The following LMO4 variants were observed in gnomAD, a reference collection of about 807,000 sequenced individuals.
The protein encoded by LMO4 is LIM domain transcription factor LMO4.
Under a neutral mutation model 18.5 loss-of-function variants are expected in LMO4, and 3 were observed. That is an observed-to-expected ratio of 0.16 (90% CI 0.07 to 0.42). LMO4 has a LOEUF of 0.42. LMO4 is among the 10% of genes least tolerant of loss of function. The probability of loss-of-function intolerance (pLI) is 0.99; values close to 1 mark genes in which losing one functional copy is unlikely to be tolerated. For synonymous variants in LMO4, 100 were observed against 88.1 expected (o/e 1.14, Z -0.76); for missense variants, 121 against 219.9 (o/e 0.55, Z 2.84).
At position 87,328,927 on chromosome 1, in the gene LMO4, G is replaced by A. The variant is rs191814901; in HGVS notation, c.-321G>A. 4.7e-3 allele frequency: 710 copies of A among 152,434 alleles called. 10 individuals carry two copies. The highest frequency in any genetic ancestry group is 3.3e-3 in the Non-Finnish European group (222 of 68,082). The allele number at this position is 152,434 out of a possible 1,614,324, so 9.4% of individuals were successfully genotyped here. A position where few individuals can be genotyped will look rare whatever the true frequency, so the allele number is the denominator to read the frequency against. On this transcript the variant is annotated 5_prime_UTR_variant, in exon 1 of 5. Transcript: ENST00000370544. Reference sequence around the variant, plus strand: ...CTGCCGCTGCGCCGCGCCTGAAGCCGCGCCGCGCGGGCCGAGGGCTCCTGC... The same window carrying A: ...CTGCCGCTGCGCCGCGCCTGAAGCCACGCCGCGCGGGCCGAGGGCTCCTGC...
intron 2 of LMO4, among the ~76,000 whole-genome samples, chr1:87,336,070 A>G (rs961001786): frequency 7.1e-5 from 9 of 127,462 alleles, no homozygotes; most frequent in East Asian, 2.5e-4. Flanking sequence ...TTAAGTATCA[A>G]TAGCTTCTGG....
chr1:87,343,483 A>G (rs1650550446), intron 4 of LMO4, among the ~76,000 whole-genome samples: 1 of 152,084 alleles, frequency 6.6e-6, no homozygotes, highest in Non-Finnish European at 1.5e-5. Context: ...CCTGTTCTGG[A>G]ATTTTTTTCT....
At chr1:87,329,853 C>G (rs1396945354) in intron 1 of LMO4, among the ~76,000 whole-genome samples, 1 of 152,108 alleles carries the variant, frequency 6.6e-6, no homozygotes, top group African/African-American at 2.4e-5. Context: ...CTCCCTTGGT[C>G]TCCATTAAAA....
intron 1 of LMO4, among the ~76,000 whole-genome samples, chr1:87,331,062 CG>C (rs1278888902): frequency 5.0e-5 from 1 of 19,990 alleles, no homozygotes; most frequent in African/African-American, 1.4e-4. Flanking sequence ...TAACGCCGCC[CG>C]CCCCCCCCCC....
chr1:87,336,027 AT>A (rs892521684), intron 2 of LMO4, among the ~76,000 whole-genome samples: 12 of 150,676 alleles, frequency 8.0e-5, no homozygotes, highest in South Asian at 2.1e-4. Flanking sequence ...AATTTGGCTG[AT>A]TTTTTTTTTC....
Position 87,345,099 on chromosome 1 carries a change from G to A in LMO4, c.*303G>A. 1 of 361,414 alleles carries A rather than the reference G, an allele frequency of 2.8e-6. No homozygotes were observed. The highest frequency in any genetic ancestry group is 5.0e-6 in the Non-Finnish European group (1 of 201,588). 22.4% of individuals were successfully genotyped at this position (361,414 alleles called of 1,614,324 possible). ...GCTGGGGGGGAGGGAAATGACTAAT[G>A]AAGCTAATTAAAAGAAGCATTCAAA... On this transcript the variant is annotated 3_prime_UTR_variant, in exon 5 of 5. Coordinates refer to ENST00000370544, the MANE Select transcript of LMO4 (RefSeq NM_006769.4).
rs1650705057 is a variant in LMO4, at chr1:87,348,683, C to T, written c.*3887C>T. On this transcript the variant is annotated 3_prime_UTR_variant, in exon 5 of 5. Transcript: ENST00000370544. ...TCAGGGCTGATTTTTGGAAGGTGAA[C>T]TTGCAACTTACCTCAAGTGAATACT... 2.0e-6 allele frequency: 1 copy of T among 498,562 alleles called. No homozygotes were observed. The highest frequency in any genetic ancestry group is 1.5e-5 in the South Asian group (1 of 68,462). The allele number at this position is 498,562 out of a possible 1,614,324, so 30.9% of individuals were successfully genotyped here.
chr1:87,330,004 CTTT>C (rs895271767), intron 1 of LMO4, among the ~76,000 whole-genome samples: 17 of 127,214 alleles, frequency 1.3e-4, no homozygotes, highest in African/African-American at 4.5e-4. Flanking sequence ...TAAAAGCTTT[CTTT>C]TTTTTTTTTT....
rs1650629448 is a variant in LMO4 at position 87,346,497 on chromosome 1, A to G, written c.*1701A>G. The G allele has an allele frequency of 6.6e-6, 1 of 152,210 alleles. No homozygotes were observed. Among genetic ancestry groups the G allele is most frequent in the African/African-American group, 2.4e-5 (1 of 41,442 alleles). The allele number at this position is 152,210 out of a possible 1,614,324, so 9.4% of individuals were successfully genotyped here. A position where few individuals can be genotyped will look rare whatever the true frequency, so the allele number is the denominator to read the frequency against. ...TTTAAATTTTCTTTTTTAAGATGGCATTTTATTTTGTTCCAGAAAAGCGCC... is the reference window on the plus strand; with the variant it reads ...TTTAAATTTTCTTTTTTAAGATGGCGTTTTATTTTGTTCCAGAAAAGCGCC... On this transcript the variant is annotated 3_prime_UTR_variant, in exon 5 of 5. Transcript: ENST00000370544.
intron 4 of LMO4, among the ~76,000 whole-genome samples, chr1:87,340,486 A>G (rs1400688865): frequency 6.6e-6 from 1 of 152,242 alleles, no homozygotes; most frequent in Non-Finnish European, 1.5e-5. Context: ...AAGCTTCCAT[A>G]TAACTGGTTA....
chr1:87,332,347 G>A (rs1388509883), intron 2 of LMO4, 96 bp downstream of exon 2: 1 of 898,842 alleles, frequency 1.1e-6, no homozygotes, highest in Non-Finnish European at 1.7e-6. Context: ...CGTCTACGGG[G>A]AGTATGCAGC....
intron 2 of LMO4, among the ~76,000 whole-genome samples, chr1:87,334,361 A>T (rs1378574088): frequency 6.6e-6 from 1 of 152,056 alleles, no homozygotes; most frequent in Non-Finnish European, 1.5e-5. Context: ...CTTCCCCTCC[A>T]ATTTAAGAGA....
intron 1 of LMO4, 159 bp from the exon 2 acceptor site, chr1:87,331,840 GCCTCCCTTCTTCCC>G: frequency 5.1e-6 from 3 of 584,940 alleles, no homozygotes; most frequent in Non-Finnish European, 3.0e-6. Context: ...CTGCCGGCGA[GCCTCCCTTCTTCCC>G]TCTCCCCCTC....
intron 3 of LMO4, 98 bp downstream of exon 3, chr1:87,339,730 C>A: frequency 2.5e-6 from 2 of 788,484 alleles, no homozygotes; most frequent in South Asian, 1.6e-5. Context: ...ACTGTTTTCT[C>A]AAGCTGCAGA....
Position 87,339,557 on chromosome 1 carries a change from T to C in LMO4, c.258T>C (p.Ala86=), listed in dbSNP as rs538731746. 29 of 1,613,828 alleles carry C rather than the reference T, an allele frequency of 1.8e-5. No homozygotes were observed. In the African/African-American group the frequency reaches 2.1e-4, roughly 12 times the overall value. Residue 86 remains alanine, a synonymous_variant, in exon 3 of 5, where the codon GCT becomes GCC. Coordinates refer to ENST00000370544, the MANE Select transcript of LMO4 (RefSeq NM_006769.4). The stretch of plus-strand genomic sequence containing the variant: ...TCAGGTTATTTGGAAATAGCGGTGC[T>C]TGCAGCGCTTGCGGACAGTCGATTC... ...DYIRLFGNSG[A]CSACGQSIPA... is the part of the protein sequence containing the mutation.
intron 2 of LMO4, among the ~76,000 whole-genome samples, chr1:87,335,569 G>T (rs946967151): frequency 6.6e-6 from 1 of 152,092 alleles, no homozygotes; most frequent in Non-Finnish European, 1.5e-5. Context: ...CGGCGCGGCC[G>T]GGGGTGGGGG....
At chr1:87,336,383 C>T (rs1214264889) in intron 2 of LMO4, among the ~76,000 whole-genome samples, 1 of 152,122 alleles carries the variant, frequency 6.6e-6, no homozygotes, top group Admixed American at 6.5e-5. Context: ...AGCCAGGTAG[C>T]GTTTCATATT....
intron 2 of LMO4, among the ~76,000 whole-genome samples, chr1:87,332,883 C>T (rs554910241): frequency 6.6e-6 from 1 of 152,132 alleles, no homozygotes; most frequent in Non-Finnish European, 1.5e-5. Context: ...CATACTGTTA[C>T]TCGGAGGCTT....
intron 2 of LMO4, among the ~76,000 whole-genome samples, chr1:87,333,941 TCAAAAAAAAAAAAA>T (rs909392826): frequency 7.4e-5 from 10 of 135,220 alleles, no homozygotes; most frequent in Admixed American, 2.2e-4. Flanking sequence ...CCGAGTGCCT[TCAAAAAAAAAAAAA>T]CAAAAAACAA....
Sources: gnomAD v4.1 joint callset for allele counts (sites outside exome capture counted in the v4.1 genomes callset) on GRCh38, gnomAD v4.1.1 for gene constraint, MANE v1.5 for transcripts, NCBI Gene and HGNC (gene_info 2026-07-23, HGNC 2026-07-21) for gene names.